Variants in RANBP1 observed in about 807,000 individuals in gnomAD.
The protein encoded by RANBP1 is ran-specific GTPase-activating protein.
In RANBP1, 16 loss-of-function variants were observed where a neutral mutation model predicts 31.4. The observed-to-expected ratio is 0.51, with a 90% CI of 0.34 to 0.77. The LOEUF (loss-of-function observed/expected upper bound fraction) is 0.77. Among genes scored for constraint, RANBP1 ranks in the 30% least tolerant of loss-of-function variants. RANBP1 has a pLI of 0.01. For missense variants in RANBP1, 265 were observed against 362.0 expected (o/e 0.73, Z 2.17); for synonymous variants, 129 against 140.5 (o/e 0.92, Z 0.58).
intron 1 of RANBP1, 40 bp downstream of exon 1, chr22:20,116,470 T>G: frequency 6.2e-7 from 1 of 1,612,882 alleles, no homozygotes; most frequent in Non-Finnish European, 8.5e-7. Context: ...GAGCCCGGGC[T>G]GAGGCCCCGG....
chr22:20,123,499 T>G (rs2050233674), intron 3 of RANBP1, among the ~76,000 whole-genome samples: 1 of 127,176 alleles, frequency 7.9e-6, no homozygotes, highest in Non-Finnish European at 1.7e-5. Flanking sequence ...TGGGGGTGTG[T>G]GTGAGAGAGA....
chr22:20,122,451 T>C, intron 3 of RANBP1, 30 bp downstream of exon 3: 1 of 1,611,036 alleles, frequency 6.2e-7, no homozygotes, highest in Non-Finnish European at 8.5e-7. Flanking sequence ...ACCTCGACAG[T>C]CCCCAGCAGC....
At chr22:20,122,604 C>A (rs921860558) in intron 3 of RANBP1, 183 bp downstream of exon 3, 1 of 1,529,788 alleles carries the variant, frequency 6.5e-7, no homozygotes, top group Non-Finnish European at 8.8e-7. Flanking sequence ...TCAGAGCAGG[C>A]CCGCAGCGAA....
chr22:20,121,657 C>T (rs1317831983), intron 2 of RANBP1, among the ~76,000 whole-genome samples: 1 of 152,178 alleles, frequency 6.6e-6, no homozygotes. Flanking sequence ...GGATCCTCCT[C>T]CCTCTGCCTC....
chr22:20,118,601 C>A (rs927843136), intron 1 of RANBP1, among the ~76,000 whole-genome samples: 2 of 152,248 alleles, frequency 1.3e-5, no homozygotes, highest in Non-Finnish European at 2.9e-5. Flanking sequence ...TCTATTTCGA[C>A]CCATCATTGT....
At chr22:20,118,135 C>T in intron 1 of RANBP1, 1 of 1,001,028 alleles carries the variant, frequency 1.0e-6, no homozygotes, top group Non-Finnish European at 1.2e-6. Context: ...GGCACAGGTC[C>T]TAGATGCGCC....
At position 20,125,345 on chromosome 22, in the gene RANBP1, C is replaced by T. The variant is rs111311060; in HGVS notation, c.579C>T (p.Ser193=). Residue 193 remains serine (S), a synonymous_variant, in exon 4 of 6, where the codon AGC becomes AGT. Coordinates refer to ENST00000430524, the MANE Select transcript of RANBP1 (RefSeq NM_001278639.2). ...TGGAGCTGAAGCCCAACGCAGGTAG[C>T]GACCGTGCCTGGGTCTGGAACACCC... ...PMMELKPNAG[S]DRAWVWNTHA... 866 of 1,611,640 alleles carry T rather than the reference C, an allele frequency of 5.4e-4. 8 individuals carry two copies. The African/African-American group carries it at 0.01, about 19-fold the overall frequency.
At chr22:20,122,455 C>T (rs770964401) in intron 3 of RANBP1, 34 bp downstream of exon 3, 1 of 1,611,414 alleles carries the variant, frequency 6.2e-7, no homozygotes, top group Non-Finnish European at 8.5e-7. Context: ...CGACAGTCCC[C>T]AGCAGCTTGG....
chr22:20,126,871 C>T lies in RANBP1; in HGVS notation c.737-81C>T, dbSNP rs960656109. 8 of 1,521,064 alleles carry T rather than the reference C, an allele frequency of 5.3e-6. No homozygotes were observed. The African/African-American group carries it at 6.9e-5, about 13-fold the overall frequency. 94.2% of individuals were successfully genotyped at this position (1,521,064 alleles called of 1,614,324 possible). On this transcript the variant is annotated intron_variant, in intron 5 of 5. Transcript: ENST00000430524. The stretch of plus-strand genomic sequence containing the variant: ...GCAAGCCGCTGTGGGTGGGTGACGG[C>T]ACTTGGGACCAGCCTGGCGAGGGCC...
chr22:20,118,396 T>G lies in RANBP1; in HGVS notation c.247-617T>G, dbSNP rs939128620. 20 of 960,870 alleles carry G rather than the reference T, an allele frequency of 2.1e-5. No individual in the cohort carries two copies. In the East Asian group the frequency reaches 8.2e-4, roughly 39 times the overall value. The allele number at this position is 960,870 out of a possible 1,614,324, so 59.5% of individuals were successfully genotyped here. A position where few individuals can be genotyped will look rare whatever the true frequency, so the allele number is the denominator to read the frequency against. On this transcript the variant is annotated intron_variant, in intron 1 of 5. Coordinates refer to ENST00000430524, the MANE Select transcript of RANBP1 (RefSeq NM_001278639.2). The stretch of plus-strand genomic sequence containing the variant: ...TAAATTGGGCCAGGATTTCATGACT[T>G]TCACCGGTACAATTTATCTAGTTAT...
At chr22:20,119,851 A>G (rs938123687) in intron 2 of RANBP1, among the ~76,000 whole-genome samples, 2 of 152,136 alleles carry the variant, frequency 1.3e-5, no homozygotes, top group Non-Finnish European at 2.9e-5. Context: ...GCGATAACAC[A>G]TGAAAATAGG....
At chr22:20,125,814 C>T (rs2050283978) in intron 4 of RANBP1, among the ~76,000 whole-genome samples, 1 of 152,258 alleles carries the variant, frequency 6.6e-6, no homozygotes. Context: ...GGGCCAGGGG[C>T]CCCTCATGGT....
intron 3 of RANBP1, chr22:20,124,089 AT>A (rs1356590197): frequency 2.6e-5 from 4 of 152,726 alleles, no homozygotes; most frequent in Non-Finnish European, 4.4e-5. Flanking sequence ...CCTGCTCAGC[AT>A]GTCTAGTCCT....
At chr22:20,123,242 G>C (rs1385008172) in intron 3 of RANBP1, among the ~76,000 whole-genome samples, 3 of 126,748 alleles carry the variant, frequency 2.4e-5, no homozygotes, top group African/African-American at 3.0e-5. Flanking sequence ...GGCGGGTGTG[G>C]TATCCGGGGT....
At chr22:20,124,793 C>T (rs1271999015) in intron 3 of RANBP1, 1 of 161,156 alleles carries the variant, frequency 6.2e-6, no homozygotes, top group Admixed American at 6.5e-5. Context: ...CCCCCACTTT[C>T]AGATAGGCTG....
At chr22:20,117,917 G>T in intron 1 of RANBP1, 1 of 1,013,714 alleles carries the variant, frequency 9.9e-7, no homozygotes, top group Non-Finnish European at 1.2e-6. Flanking sequence ...CTTGGGGTGG[G>T]TTGGGGAGCG....
chr22:20,126,259 C>T (rs369446992), intron 4 of RANBP1, 44 bp from the exon 5 acceptor site: 101 of 1,592,188 alleles, frequency 6.3e-5, no homozygotes, highest in Non-Finnish European at 8.4e-5. Flanking sequence ...ATGTCTCTTC[C>T]ACTGCTCACA....
In RANBP1 at chr22:20,126,309, A is replaced by G. The variant is rs1487861854; in HGVS notation, c.677A>G (p.Gln226Arg). The G allele has an allele frequency of 7.4e-6, 12 of 1,613,186 alleles. No homozygotes were observed. Among genetic ancestry groups the G allele is most frequent in the Non-Finnish European group, 1.0e-5 (12 of 1,179,624 alleles). Residue 226 changes from glutamine (Q) to arginine (R), a missense_variant, in exon 5 of 6, where the codon CAG becomes CGG. Physicochemically the swap from Gln to Arg is conservative, Grantham distance 43 (BLOSUM62 1). Coordinates refer to ENST00000430524, the MANE Select transcript of RANBP1 (RefSeq NM_001278639.2). The stretch of plus-strand genomic sequence containing the variant: ...TTCGCTCTCCCTTCCACAGATGCAC[A>G]GAAATTCAAAACAAAGTTTGAAGAA... ...AIRFLNAENA[Q>R]KFKTKFEECR...
Position 20,116,916 on chromosome 22 carries a change from G to C in RANBP1, c.246+486G>C, listed in dbSNP as rs929029334. The C allele has an allele frequency of 2.5e-6, 4 of 1,595,022 alleles. No homozygotes were observed. The African/African-American group carries it at 5.4e-5, about 21-fold the overall frequency. On this transcript the variant is annotated intron_variant, in intron 1 of 5. Transcript: ENST00000430524. Reference sequence around the variant, plus strand: ...CGAGGTTCTCACTCATCGCCCAGGCGGTTCTCCGCCTAGACCAGGGACGCC... The same window carrying C: ...CGAGGTTCTCACTCATCGCCCAGGCCGTTCTCCGCCTAGACCAGGGACGCC...
Sources: allele counts gnomAD v4.1 joint callset (sites outside exome capture counted in the v4.1 genomes callset), GRCh38; gene constraint gnomAD v4.1.1; transcripts MANE v1.5; gene names NCBI Gene and HGNC (gene_info 2026-07-23, HGNC 2026-07-21).